The following RBM4B variants were observed in gnomAD, a reference collection of about 807,000 sequenced individuals.
RBM4B encodes the protein RNA binding motif protein 4B.
RBM4B carries 13 observed loss-of-function variants against 28.5 expected under a neutral mutation model. The observed-to-expected ratio is 0.46, with a 90% confidence interval of 0.30 to 0.72. The LOEUF (loss-of-function observed/expected upper bound fraction) is 0.72. Ranked by LOEUF, RBM4B falls within the 30% of genes least tolerant of loss-of-function variation. The pLI is 0.09. For missense variants in RBM4B, 387 were observed against 477.6 expected, an observed-to-expected ratio of 0.81 and a Z score of 1.77; for synonymous variants, 167 against 179.1, an observed-to-expected ratio of 0.93 and a Z score of 0.54.
chr11:66,673,180 A>AG (rs1402457500), intron 2 of RBM4B, among the ~76,000 whole-genome samples: 3 of 151,738 alleles, frequency 2.0e-5, no homozygotes, highest in African/African-American at 4.8e-5. Context: ...GTTTACATAT[A>AG]GGGAAAAAAA....
Position 66,665,517 on chromosome 11 carries a change from C to T in RBM4B, c.*71G>A. ...AATGGAAACATCCCGGCAAAGGGGA[C>T]CGCGCGGAGCAAGTTCTCATATATG... is the stretch of plus-strand genomic sequence containing the variant. On this transcript the variant is annotated 3_prime_UTR_variant, in exon 4 of 4. Transcript: ENST00000310046. 7.6e-7 allele frequency: 1 copy of T among 1,311,038 alleles called. No homozygotes were observed. The allele number at this position is 1,311,038 out of a possible 1,614,324, so 81.2% of individuals were successfully genotyped here. A position where few individuals can be genotyped will look rare whatever the true frequency, so the allele number is the denominator to read the frequency against.
At chr11:66,673,868 C>T (rs1222449794) in intron 2 of RBM4B, among the ~76,000 whole-genome samples, 2 of 152,144 alleles carry the variant, frequency 1.3e-5, no homozygotes, top group African/African-American at 4.8e-5. Flanking sequence ...AAAACTACAA[C>T]TTACTATCCA....
At chr11:66,673,047 G>C (rs1340955860) in intron 2 of RBM4B, among the ~76,000 whole-genome samples, 1 of 152,112 alleles carries the variant, frequency 6.6e-6, no homozygotes, top group Non-Finnish European at 1.5e-5. Flanking sequence ...TAACAGAAAA[G>C]AGCATTAAAA....
intron 2 of RBM4B, among the ~76,000 whole-genome samples, chr11:66,669,522 C>A (rs1429445775): frequency 6.6e-6 from 1 of 152,068 alleles, no homozygotes; most frequent in Non-Finnish European, 1.5e-5. Flanking sequence ...TCTCAGCTCA[C>A]CGCAACCTCC....
At chr11:66,669,515 C>T (rs1488463416) in intron 2 of RBM4B, among the ~76,000 whole-genome samples, 2 of 151,892 alleles carry the variant, frequency 1.3e-5, no homozygotes, top group African/African-American at 4.8e-5. Context: ...GGCACAATCT[C>T]AGCTCACCGC....
intron 2 of RBM4B, among the ~76,000 whole-genome samples, chr11:66,674,167 A>G (rs1163579275): frequency 7.5e-6 from 1 of 132,678 alleles, no homozygotes; most frequent in Admixed American, 7.4e-5. Context: ...CAATTAACTG[A>G]TTTTTTTTTC....
At position 66,669,004 on chromosome 11, in the gene RBM4B, C is replaced by G; in HGVS notation, c.700G>C (p.Ala234Pro). 1 of 1,614,240 alleles carries G rather than the reference C, an allele frequency of 6.2e-7. No homozygotes were observed. The highest frequency in any genetic ancestry group is 8.5e-7 in the Non-Finnish European group (1 of 1,180,044). ...YRVRSYEAVA[A>P]AAAASAYNYA... The stretch of plus-strand genomic sequence containing the variant: ...TTGTATGCAGAAGCCGCTGCCGCCG[C>G]TGCTACTGCCTCATAAGAGCGGACC... Residue 234 changes from alanine to proline, a missense_variant, in exon 3 of 4, where the codon GCG (alanine) becomes CCG (proline). Coordinates refer to ENST00000310046, the MANE Select transcript of RBM4B (RefSeq NM_031492.4).
chr11:66,668,845 C>T lies in RBM4B; in HGVS notation c.859G>A (p.Ala287Thr). The T allele has an allele frequency of 1.2e-6, 2 of 1,614,196 alleles. No individual in the cohort carries two copies. Among genetic ancestry groups the T allele is most frequent in the Non-Finnish European group, 1.7e-6 (2 of 1,180,020 alleles). ...PNSGAAATSA[A>T]MAAAAATTSS... ...GTGGTGGCTGCAGCAGCAGCCATAG[C>T]AGCTGAAGTGGCAGCAGCGCCAGAG... The change falls in exon 3 of 4, where the codon GCT becomes ACT. Residue 287 changes from alanine to threonine, a missense_variant. Around this residue, in one of 2 missense-constraint regions of RBM4B, gnomAD observed 226 missense variants for 220.6 expected, o/e 1.02. Transcript: ENST00000310046.
At chr11:66,673,907 GA>G (rs1306870915) in intron 2 of RBM4B, among the ~76,000 whole-genome samples, 3 of 151,626 alleles carry the variant, frequency 2.0e-5, no homozygotes, top group South Asian at 2.1e-4. Flanking sequence ...TCATCTGGGA[GA>G]AAAAAAACCA....
intron 3 of RBM4B, chr11:66,666,210 C>G: frequency 1.2e-6 from 1 of 859,490 alleles, no homozygotes. Flanking sequence ...ATTCTCTAAT[C>G]CTTCTATTGA....
chr11:66,675,726 AG>A (rs1939614495), intron 2 of RBM4B: 2 of 152,372 alleles, frequency 1.3e-5, no homozygotes, highest in Admixed American at 1.3e-4. Flanking sequence ...GCTATCCAAA[AG>A]AATGTTCTAT....
chr11:66,672,224 T>C (rs1939480812), intron 2 of RBM4B, among the ~76,000 whole-genome samples: 2 of 151,266 alleles, frequency 1.3e-5, no homozygotes, highest in Admixed American at 1.3e-4. Context: ...CTGGCCAACA[T>C]GGTGAAACCC....
intron 2 of RBM4B, among the ~76,000 whole-genome samples, chr11:66,672,103 A>T (rs969338972): frequency 4.6e-5 from 7 of 151,838 alleles, no homozygotes; most frequent in Non-Finnish European, 8.8e-5. Context: ...GTTTAAAAAA[A>T]TTTTTTCAAA....
rs572792318 is a variant in RBM4B at position 66,677,179 on chromosome 11, T to C, written c.-12-88A>G. ...GCATTTTCGTCTAATCCTCCAAAGT[T>C]CTTGCACCTTCAAGACCCTCGTACA... On this transcript the variant is annotated intron_variant, in intron 1 of 3. Coordinates refer to ENST00000310046, the MANE Select transcript of RBM4B (RefSeq NM_031492.4). The C allele has an allele frequency of 6.0e-5, 88 of 1,467,852 alleles. No individual in the cohort carries two copies. The African/African-American group carries it at 1.1e-3, about 19-fold the overall frequency. 90.9% of individuals were successfully genotyped at this position (1,467,852 alleles called of 1,614,324 possible).
intron 2 of RBM4B, among the ~76,000 whole-genome samples, chr11:66,673,557 C>T (rs2135246658): frequency 1.3e-5 from 2 of 152,330 alleles, no homozygotes; most frequent in South Asian, 4.1e-4. Context: ...CCTCTGGGTT[C>T]AAGTGATTCT....
intron 2 of RBM4B, among the ~76,000 whole-genome samples, chr11:66,673,878 A>G (rs1281024486): frequency 1.3e-5 from 2 of 152,166 alleles, no homozygotes; most frequent in Non-Finnish European, 2.9e-5. Flanking sequence ...CTTACTATCC[A>G]GTGCTAAGCT....
Position 66,676,730 on chromosome 11 carries a change from T to C in RBM4B, c.350A>G (p.His117Arg). The C allele has an allele frequency of 6.2e-7, 1 of 1,614,114 alleles. No homozygotes were observed. Among genetic ancestry groups the C allele is most frequent in the Admixed American group, 1.7e-5 (1 of 60,008 alleles). ...CDIVKDYAFVHMERAEDAVEA... is the reference protein window; with the variant it reads ...CDIVKDYAFVRMERAEDAVEA... ...CACTGCATCCTCTGCCCGCTCCATGTGTACGAAGGCATAATCTTTCACGAT... is the reference window on the plus strand; with the variant it reads ...CACTGCATCCTCTGCCCGCTCCATGCGTACGAAGGCATAATCTTTCACGAT... Residue 117 changes from histidine (H) to arginine (R), a missense_variant, in exon 2 of 4, where the codon CAC becomes CGC. By Grantham distance (29) the His-to-Arg change is conservative. Around this residue, in one of 2 missense-constraint regions of RBM4B, gnomAD observed 161 missense variants for 256.9 expected, o/e 0.63. Transcript: ENST00000310046.
intron 2 of RBM4B, 102 bp from the exon 3 acceptor site, chr11:66,669,393 C>G: frequency 5.4e-6 from 6 of 1,108,774 alleles, no homozygotes; most frequent in Non-Finnish European, 7.8e-6. Flanking sequence ...GACACATAGA[C>G]GCACACACCT....
intron 2 of RBM4B, among the ~76,000 whole-genome samples, chr11:66,674,373 T>C (rs1939574195): frequency 1.3e-5 from 2 of 151,216 alleles, no homozygotes; most frequent in South Asian, 4.2e-4. Context: ...ACAAGGCGCC[T>C]GCCACCATGG....
Sources: gnomAD v4.1 joint callset for allele counts (sites outside exome capture counted in the v4.1 genomes callset) on GRCh38, gnomAD v4.1.1 for gene constraint, gnomAD v4.1.1 regional missense constraint, MANE v1.5 for transcripts, NCBI Gene and HGNC (gene_info 2026-07-23, HGNC 2026-07-21) for gene names.